Variants in PSEN1 observed in about 807,000 individuals in gnomAD.
PSEN1 encodes presenilin 1.
Under a neutral mutation model 53.5 loss-of-function variants are expected in PSEN1, and 15 were observed. The ratio of observed to expected loss-of-function variants is 0.28; its 90% confidence interval spans 0.19 to 0.43. The LOEUF is 0.43. PSEN1 is among the 20% of genes least tolerant of loss of function. The pLI is 1.00. For synonymous variants in PSEN1, 208 were observed against 209.8 expected (o/e 0.99, Z 0.08); for missense variants, 387 against 571.2 (o/e 0.68, Z 3.29).
At chr14:73,198,179 G>C in intron 8 of PSEN1, 50 bp downstream of exon 8, 1 of 1,100,880 alleles carries the variant, frequency 9.1e-7, no homozygotes, top group Non-Finnish European at 1.4e-6. Flanking sequence ...AGAATTTATC[G>C]GAACTGAAGC....
chr14:73,158,165 G>A (rs1011836917), intron 3 of PSEN1, among the ~76,000 whole-genome samples: 2 of 152,122 alleles, frequency 1.3e-5, no homozygotes, highest in Admixed American at 6.5e-5. Flanking sequence ...GATAGTGGCT[G>A]TTACGGATAT....
intron 1 of PSEN1, among the ~76,000 whole-genome samples, chr14:73,145,629 C>G (rs1026673591): frequency 1.3e-5 from 2 of 152,060 alleles, no homozygotes; most frequent in African/African-American, 4.8e-5. Flanking sequence ...CATGAGCCAC[C>G]GAGCCCGGCC....
chr14:73,171,133 T>C, intron 4 of PSEN1, 86 bp downstream of exon 4: 3 of 1,519,704 alleles, frequency 2.0e-6, no homozygotes, highest in Non-Finnish European at 2.7e-6. Context: ...GGCCTCTGCA[T>C]TGAAGGGGCA....
At chr14:73,217,275 G>A (rs1899957296) in intron 11 of PSEN1, 31 bp downstream of exon 11, 6 of 1,612,638 alleles carry the variant, frequency 3.7e-6, no homozygotes, top group Non-Finnish European at 5.1e-6. Context: ...ATGTGTCAGA[G>A]CTCTTAATGT....
chr14:73,204,909 A>T (rs1440251030), intron 8 of PSEN1, among the ~76,000 whole-genome samples: 1 of 152,170 alleles, frequency 6.6e-6, no homozygotes, highest in Admixed American at 6.5e-5. Context: ...CATAAACCTC[A>T]TACTTGGTGG....
chr14:73,211,447 C>T (rs1774408364), intron 9 of PSEN1, among the ~76,000 whole-genome samples: 1 of 152,142 alleles, frequency 6.6e-6, no homozygotes, highest in East Asian at 1.9e-4. Context: ...AGGTTCATAC[C>T]AAGTTACAAC....
At chr14:73,143,529 T>G (rs547014327) in intron 1 of PSEN1, among the ~76,000 whole-genome samples, 10 of 152,310 alleles carry the variant, frequency 6.6e-5, no homozygotes, top group Admixed American at 5.9e-4. Flanking sequence ...AAGACTCAAA[T>G]GGAAGAATAG....
chr14:73,170,959 A>C lies in PSEN1; in HGVS notation c.250A>C (p.Met84Leu), dbSNP rs749249788. ...GAAATATGGCGCCAAGCATGTGATC[A>C]TGCTCTTTGTCCCTGTGACTCTCTG... ...TLKYGAKHVI[M>L]LFVPVTLCMV... Residue 84 changes from methionine (M) to leucine (L), a missense_variant, in exon 4 of 12, where the codon ATG (methionine) becomes CTG (leucine). Physicochemically the swap from Met to Leu is conservative, Grantham distance 15. Transcript: ENST00000324501. 2 of 1,614,098 alleles carry C rather than the reference A, an allele frequency of 1.2e-6. No individual in the cohort carries two copies. The highest frequency in any genetic ancestry group is 2.7e-5 in the African/African-American group (2 of 74,928).
At chr14:73,218,841 C>A (rs949666967) in intron 11 of PSEN1, among the ~76,000 whole-genome samples, 3 of 152,114 alleles carry the variant, frequency 2.0e-5, no homozygotes, top group Non-Finnish European at 4.4e-5. Context: ...ATAGAAATTT[C>A]TGTATCTTTT....
intron 10 of PSEN1, among the ~76,000 whole-genome samples, chr14:73,212,777 G>A (rs949485347): frequency 2.0e-5 from 3 of 152,202 alleles, no homozygotes; most frequent in African/African-American, 7.2e-5. Flanking sequence ...AAGCCCTTTG[G>A]TTAGGGCTCA....
intron 3 of PSEN1, among the ~76,000 whole-genome samples, chr14:73,155,283 G>A (rs1255426632): frequency 6.6e-6 from 1 of 151,984 alleles, no homozygotes; most frequent in Non-Finnish European, 1.5e-5. Flanking sequence ...ATGATCTTTG[G>A]CAAATTAACT....
At chr14:73,161,356 G>T (rs980011215) in intron 3 of PSEN1, among the ~76,000 whole-genome samples, 24 of 152,220 alleles carry the variant, frequency 1.6e-4, no homozygotes, top group African/African-American at 5.8e-4. Context: ...GAAATTTGGT[G>T]TAGGCCCATT....
At chr14:73,156,022 G>C (rs1242806481) in intron 3 of PSEN1, among the ~76,000 whole-genome samples, 2 of 152,076 alleles carry the variant, frequency 1.3e-5, no homozygotes, top group Non-Finnish European at 2.9e-5. Flanking sequence ...GCTCAGTTTT[G>C]CTGTGGATCT....
At chr14:73,171,921 G>C (rs362356) in intron 4 of PSEN1, among the ~76,000 whole-genome samples, 8,528 of 152,164 alleles carry the variant, frequency 0.056, 326 homozygotes, top group Non-Finnish European at 0.089. Context: ...AGTCCTTCTT[G>C]GTATCTTTTC....
At chr14:73,154,365 A>G (rs567072770) in intron 3 of PSEN1, among the ~76,000 whole-genome samples, 3 of 152,202 alleles carry the variant, frequency 2.0e-5, no homozygotes, top group Non-Finnish European at 4.4e-5. Flanking sequence ...TGGGAGGCTG[A>G]GGCAGGAGGA....
At chr14:73,161,992 T>TAAAAAA (rs1179787685) in intron 3 of PSEN1, among the ~76,000 whole-genome samples, 6 of 65,370 alleles carry the variant, frequency 9.2e-5, no homozygotes, top group Non-Finnish European at 1.5e-4. Flanking sequence ...CCGTTTCCAC[T>TAAAAAA]AAAAAAAAAA....
At chr14:73,160,287 C>T (rs1268842507) in intron 3 of PSEN1, 1 of 153,086 alleles carries the variant, frequency 6.5e-6, no homozygotes, top group African/African-American at 2.4e-5. Context: ...TACCACATAT[C>T]TGTGAGTAGA....
rs1370820859 is a variant in PSEN1 at position 73,223,176 on chromosome 14, A to G, written c.*3887A>G. On this transcript the variant is annotated 3_prime_UTR_variant, in exon 12 of 12. Transcript: ENST00000324501. ...ATCATCTGCATAGTCCTCTCCTCTA[A>G]CGGGAAACACCTCAGATTTGCATAT... is the stretch of plus-strand genomic sequence containing the variant. 2.6e-5 allele frequency: 4 copies of G among 152,176 alleles called. No homozygotes were observed. The highest frequency in any genetic ancestry group is 5.9e-5 in the Non-Finnish European group (4 of 68,048). The allele number at this position is 152,176 out of a possible 1,614,324, so 9.4% of individuals were successfully genotyped here.
chr14:73,192,692 A>G lies in PSEN1; in HGVS notation c.597A>G (p.Ala199=), dbSNP rs1288846985. The change falls in exon 7 of 12, where the codon GCA becomes GCG. Residue 199 remains alanine (A), a synonymous_variant. Coordinates refer to ENST00000324501, the MANE Select transcript of PSEN1 (RefSeq NM_000021.4). ...TTGCTGTGGACTACATTACTGTTGC[A>G]CTCCTGATCTGGAATTTTGGTGTGG... ...YNVAVDYITV[A]LLIWNFGVVG... is the part of the protein sequence containing the mutation. The G allele has an allele frequency of 6.2e-7, 1 of 1,613,886 alleles. No homozygotes were observed. Among genetic ancestry groups the G allele is most frequent in the East Asian group, 2.2e-5 (1 of 44,868 alleles).
Sources: allele counts gnomAD v4.1 joint callset (sites outside exome capture counted in the v4.1 genomes callset), GRCh38; gene constraint gnomAD v4.1.1; transcripts MANE v1.5; gene names NCBI Gene and HGNC (gene_info 2026-07-23, HGNC 2026-07-21).